Variants in ANKFN1 observed in about 807,000 individuals in gnomAD.
The protein encoded by ANKFN1 is ankyrin repeat and fibronectin type III domain containing 1.
A neutral mutation model predicts 108.7 loss-of-function variants in ANKFN1; 74 were observed. The observed-to-expected ratio is 0.68, with a 90% confidence interval of 0.56 to 0.83. ANKFN1 has a LOEUF of 0.83. Among genes scored for constraint, ANKFN1 ranks in the 40% least tolerant of loss-of-function variants. The probability of loss-of-function intolerance (pLI) is 0.00; values close to 1 mark genes in which losing one functional copy is unlikely to be tolerated. For missense variants in ANKFN1, 1,505 were observed against 1,382.3 expected, an observed-to-expected ratio of 1.09 and a Z score of -1.41; for synonymous variants, 547 against 516.2, an observed-to-expected ratio of 1.06 and a Z score of -0.81.
intron 6 of ANKFN1, among the ~76,000 whole-genome samples, chr17:56,370,973 C>T (rs1046796704): frequency 6.6e-6 from 1 of 151,424 alleles, no homozygotes; most frequent in South Asian, 2.1e-4. Context: ...AGAACCTCTG[C>T]GTTCATACCC....
intron 4 of ANKFN1, among the ~76,000 whole-genome samples, chr17:56,097,332 A>T (rs1042678578): frequency 6.6e-6 from 1 of 152,226 alleles, no homozygotes; most frequent in Admixed American, 6.5e-5. Context: ...CCCACCAAGG[A>T]TCATTTACTG....
chr17:56,428,143 A>G (rs2048631440), intron 8 of ANKFN1, among the ~76,000 whole-genome samples: 1 of 151,938 alleles, frequency 6.6e-6, no homozygotes, highest in African/African-American at 2.4e-5. Context: ...CTGAGGCATG[A>G]GAATTGCTTG....
chr17:56,274,404 C>A (rs796299329), intron 3 of ANKFN1, among the ~76,000 whole-genome samples: 2 of 152,040 alleles, frequency 1.3e-5, no homozygotes, highest in Non-Finnish European at 2.9e-5. Context: ...ACCCGGGAGG[C>A]GGAGCTTGCA....
intron 10 of ANKFN1, among the ~76,000 whole-genome samples, chr17:56,445,343 G>A (rs934086082): frequency 6.6e-5 from 10 of 152,192 alleles, no homozygotes; most frequent in East Asian, 1.9e-4. Context: ...TAAGCTGCAC[G>A]TTCCATTCAG....
At chr17:56,119,137 G>A (rs557955704) in intron 4 of ANKFN1, among the ~76,000 whole-genome samples, 4 of 152,110 alleles carry the variant, frequency 2.6e-5, no homozygotes, top group South Asian at 2.1e-4. Context: ...TCTGCTCAAT[G>A]TATAAATTTT....
intron 19 of ANKFN1, 72 bp downstream of exon 19, chr17:56,492,425 T>C (rs1282520202): frequency 1.5e-6 from 1 of 677,312 alleles, no homozygotes; most frequent in Non-Finnish European, 2.7e-6. Flanking sequence ...AAGCCAAGCA[T>C]GGGAAAGGAC....
At chr17:56,332,979 GTATATATA>G (rs61494269) in intron 4 of ANKFN1, among the ~76,000 whole-genome samples, 74,895 of 147,764 alleles carry the variant, frequency 0.51, 19,095 homozygotes, top group Middle Eastern at 0.59. Flanking sequence ...ATATATGTGT[GTATATATA>G]TATATATATA....
At chr17:56,159,541 C>T (rs763713907) in intron 1 of ANKFN1, among the ~76,000 whole-genome samples, 1 of 152,104 alleles carries the variant, frequency 6.6e-6, no homozygotes, top group Non-Finnish European at 1.5e-5. Context: ...AATTTTGTTC[C>T]CATTTTATAA....
At chr17:56,363,993 G>T (rs1052228421) in intron 6 of ANKFN1, among the ~76,000 whole-genome samples, 37 of 151,890 alleles carry the variant, frequency 2.4e-4, no homozygotes, top group African/African-American at 8.9e-4. Flanking sequence ...AGAAATAATT[G>T]GTTTTATTAA....
chr17:56,261,472 A>G (rs1213381933), intron 3 of ANKFN1, among the ~76,000 whole-genome samples: 2 of 152,190 alleles, frequency 1.3e-5, no homozygotes, highest in Admixed American at 1.3e-4. Context: ...ATTAAGGAGT[A>G]TTGTCTCACA....
At chr17:56,264,687 G>A (rs1051270366) in intron 3 of ANKFN1, among the ~76,000 whole-genome samples, 2 of 152,134 alleles carry the variant, frequency 1.3e-5, no homozygotes, top group African/African-American at 4.8e-5. Flanking sequence ...GGTTCTACAG[G>A]TTTGGATTCT....
chr17:56,404,011 T>C (rs549485698), intron 8 of ANKFN1, among the ~76,000 whole-genome samples: 3 of 152,324 alleles, frequency 2.0e-5, no homozygotes, highest in Admixed American at 6.5e-5. Flanking sequence ...TTCTGGCTTG[T>C]AGGGGTCCTG....
intron 4 of ANKFN1, chr17:56,111,186 G>A (rs1355503687): frequency 6.6e-6 from 1 of 152,424 alleles, no homozygotes; most frequent in Non-Finnish European, 1.5e-5. Flanking sequence ...CCTTTAACCT[G>A]GAGGGAATCC....
At chr17:56,120,942 A>C (rs1191836725) in intron 4 of ANKFN1, among the ~76,000 whole-genome samples, 1 of 152,094 alleles carries the variant, frequency 6.6e-6, no homozygotes, top group Non-Finnish European at 1.5e-5. Context: ...TCATTACTCA[A>C]ACTCTTTAAT....
chr17:56,354,636 G>A (rs2046328119), intron 6 of ANKFN1, among the ~76,000 whole-genome samples: 2 of 152,088 alleles, frequency 1.3e-5, no homozygotes, highest in South Asian at 4.1e-4. Context: ...AGATTGATAG[G>A]GAAGGGACTA....
intron 3 of ANKFN1, among the ~76,000 whole-genome samples, chr17:56,283,899 A>G (rs1273074364): frequency 1.3e-5 from 2 of 151,902 alleles, no homozygotes; most frequent in African/African-American, 4.8e-5. Context: ...AAATAAATTA[A>G]AAAAAAATCT....
At chr17:56,280,199 A>AAT (rs1468812524) in intron 3 of ANKFN1, among the ~76,000 whole-genome samples, 6 of 151,718 alleles carry the variant, frequency 4.0e-5, no homozygotes, top group South Asian at 4.2e-4. Flanking sequence ...TATGTATAGA[A>AAT]ATATATATAT....
chr17:56,392,648 T>C (rs2047474619), intron 8 of ANKFN1, among the ~76,000 whole-genome samples: 1 of 152,134 alleles, frequency 6.6e-6, no homozygotes, highest in African/African-American at 2.4e-5. Context: ...TCCAAATATT[T>C]CACACGATAT....
chr17:56,159,929 G>C (rs1295817518), intron 1 of ANKFN1, among the ~76,000 whole-genome samples: 2 of 151,086 alleles, frequency 1.3e-5, no homozygotes, highest in Non-Finnish European at 2.9e-5. Flanking sequence ...GGAGTAATTA[G>C]AGGATTTGAC....
Sources: allele counts gnomAD v4.1 joint callset (sites outside exome capture counted in the v4.1 genomes callset), GRCh38; gene constraint gnomAD v4.1.1; transcripts MANE v1.5; gene names NCBI Gene and HGNC (gene_info 2026-07-23, HGNC 2026-07-21).